Variants in ARHGAP39 observed in about 807,000 individuals in gnomAD.
ARHGAP39 encodes the protein rho GTPase-activating protein 39.
In ARHGAP39, 44 loss-of-function variants were observed where a neutral mutation model predicts 106.9. The observed-to-expected ratio is 0.41, with a 90% CI of 0.32 to 0.53. The LOEUF (loss-of-function observed/expected upper bound fraction) is 0.53. Ranked by LOEUF, ARHGAP39 falls within the 20% of genes least tolerant of loss-of-function variation. The pLI is 0.21. For synonymous variants in ARHGAP39, 768 were observed against 693.2 expected, an observed-to-expected ratio of 1.11 and a Z score of -1.69; for missense variants, 1,496 against 1,577.3, an observed-to-expected ratio of 0.95 and a Z score of 0.87.
upstream of ARHGAP39, among the ~76,000 whole-genome samples, chr8:144,690,507 A>G (rs1464013976): frequency 1.3e-5 from 2 of 152,100 alleles, no homozygotes; most frequent in Non-Finnish European, 1.5e-5. Flanking sequence ...AGTCATCCTA[A>G]TGGATGTGAG....
chr8:144,589,687 G>A (rs1371368928), intron 2 of ARHGAP39, among the ~76,000 whole-genome samples: 3 of 152,246 alleles, frequency 2.0e-5, no homozygotes, highest in Admixed American at 6.5e-5. Context: ...CGCCGCCATC[G>A]TACTCAGGGA....
At chr8:144,532,161 G>A in intron 10 of ARHGAP39, 144 bp downstream of exon 10, 1 of 725,566 alleles carries the variant, frequency 1.4e-6, no homozygotes, top group South Asian at 1.7e-5. Flanking sequence ...CCAATGGGCA[G>A]AAGGGAGGAT....
chr8:144,544,710 G>A (rs938064379), intron 6 of ARHGAP39, among the ~76,000 whole-genome samples: 8 of 152,240 alleles, frequency 5.3e-5, no homozygotes, highest in Non-Finnish European at 8.8e-5. Context: ...TGATGGCTCC[G>A]ACGTGCGACC....
chr8:144,652,092 T>C (rs1821587640), intron 1 of ARHGAP39, among the ~76,000 whole-genome samples: 2 of 152,188 alleles, frequency 1.3e-5, no homozygotes, highest in Admixed American at 6.5e-5. Flanking sequence ...AATGAGCTTC[T>C]GCACAGCAAA....
chr8:144,633,293 C>T (rs974950354), intron 1 of ARHGAP39, among the ~76,000 whole-genome samples: 1 of 151,974 alleles, frequency 6.6e-6, no homozygotes, highest in Non-Finnish European at 1.5e-5. Context: ...CCCGTCTCTA[C>T]TAAAAACACA....
At chr8:144,653,976 C>T (rs976234339) in intron 1 of ARHGAP39, among the ~76,000 whole-genome samples, 6 of 152,318 alleles carry the variant, frequency 3.9e-5, no homozygotes, top group South Asian at 2.1e-4. Context: ...GACAGAGCCG[C>T]GCCGTCTGCA....
At chr8:144,656,108 A>T in intron 1 of ARHGAP39, among the ~76,000 whole-genome samples, 1 of 152,170 alleles carries the variant, frequency 6.6e-6, no homozygotes, top group East Asian at 1.9e-4. Context: ...GAAATATTAA[A>T]TGAACTTATT....
rs540952262 is a variant in ARHGAP39 at position 144,679,539 on chromosome 8, G to T, written c.-82+6147C>A. Among the ~76,000 whole-genome samples, 1 of 152,322 alleles carries T rather than the reference G, an allele frequency of 6.6e-6. No homozygotes were observed. Among genetic ancestry groups the T allele is most frequent in the East Asian group, 1.9e-4 (1 of 5,188 alleles). On this transcript the variant is annotated intron_variant, in intron 1 of 11. Transcript: ENST00000377307. The surrounding 1 kb of genome is among the most constrained non-coding windows in gnomAD (Gnocchi z 4.7). ...GGGGTTGCTACTGCAACTCGCTCTG[G>T]AGAAAGCTGTCCAGTAAACTCCTGG...
chr8:144,567,822 G>A (rs1248776314), intron 3 of ARHGAP39, among the ~76,000 whole-genome samples: 3 of 152,216 alleles, frequency 2.0e-5, no homozygotes, highest in Admixed American at 6.5e-5. Context: ...TGTGACCCAC[G>A]TGGCTTTACC....
chr8:144,685,273 G>A (rs1429401133), intron 1 of ARHGAP39, among the ~76,000 whole-genome samples: 1 of 145,886 alleles, frequency 6.9e-6, no homozygotes, highest in East Asian at 2.1e-4. Flanking sequence ...ACTCTGGACA[G>A]GGGCACACCC....
intron 1 of ARHGAP39, among the ~76,000 whole-genome samples, chr8:144,667,228 C>G (rs974576291): frequency 2.0e-5 from 3 of 152,226 alleles, no homozygotes; most frequent in Non-Finnish European, 4.4e-5. Context: ...CTCCTGCTCC[C>G]ACCTCACAGG....
chr8:144,576,877 C>T (rs1025711759), intron 3 of ARHGAP39, among the ~76,000 whole-genome samples: 1 of 152,184 alleles, frequency 6.6e-6, no homozygotes, highest in African/African-American at 2.4e-5. Flanking sequence ...TGAGCTCCTG[C>T]CCGTCTCTGG....
At chr8:144,533,956 C>G (rs1816844914) in intron 8 of ARHGAP39, among the ~76,000 whole-genome samples, 173 bp downstream of exon 8, 1 of 152,094 alleles carries the variant, frequency 6.6e-6, no homozygotes, top group Admixed American at 6.5e-5. Flanking sequence ...AGGGTGCAGC[C>G]CAGAAGAACA....
At chr8:144,533,388 G>A (rs552343769) in intron 8 of ARHGAP39, 63 bp from the exon 9 acceptor site, 33 of 1,530,380 alleles carry the variant, frequency 2.2e-5, no homozygotes, top group East Asian at 9.3e-5. Context: ...CCGCCACCCC[G>A]GTTGTCTTCT....
intron 1 of ARHGAP39, among the ~76,000 whole-genome samples, chr8:144,666,700 G>A (rs1232333527): frequency 3.3e-5 from 5 of 152,234 alleles, no homozygotes; most frequent in East Asian, 3.9e-4. Context: ...CATGTGGAAC[G>A]GTAAGTCCAA....
At chr8:144,667,172 A>G (rs1390897270) in intron 1 of ARHGAP39, among the ~76,000 whole-genome samples, 1 of 152,210 alleles carries the variant, frequency 6.6e-6, no homozygotes, top group Non-Finnish European at 1.5e-5. Flanking sequence ...TGATGCTCCA[A>G]GCCCACCCGC....
chr8:144,595,094 T>G (rs1563693813), intron 2 of ARHGAP39, among the ~76,000 whole-genome samples: 3 of 152,144 alleles, frequency 2.0e-5, no homozygotes, highest in African/African-American at 7.2e-5. Context: ...CAACTAGGTA[T>G]ACACACCCAA....
intron 2 of ARHGAP39, among the ~76,000 whole-genome samples, chr8:144,602,985 G>C (rs1294177550): frequency 7.2e-6 from 1 of 138,774 alleles, no homozygotes; most frequent in Non-Finnish European, 1.5e-5. Flanking sequence ...TCGTGTACCT[G>C]TGTGCATGTG....
At chr8:144,681,268 C>T (rs1055131884) in intron 1 of ARHGAP39, among the ~76,000 whole-genome samples, 1 of 152,118 alleles carries the variant, frequency 6.6e-6, no homozygotes, top group Non-Finnish European at 1.5e-5. Context: ...CTTGTTGAAG[C>T]AAGAAAGGTA....
Sources: gnomAD v4.1 joint callset for allele counts (sites outside exome capture counted in the v4.1 genomes callset) on GRCh38, gnomAD v4.1.1 for gene constraint, Gnocchi (gnomAD v3.1) non-coding constraint, MANE v1.5 for transcripts, NCBI Gene and HGNC (gene_info 2026-07-23, HGNC 2026-07-21) for gene names.